Variants in MEGF10 observed in about 807,000 individuals in gnomAD.
MEGF10 encodes multiple EGF like domains 10.
MEGF10 carries 86 observed loss-of-function variants against 147.5 expected under a neutral mutation model. The ratio of observed to expected loss-of-function variants is 0.58; its 90% confidence interval spans 0.49 to 0.70. The LOEUF is 0.70. MEGF10 is among the 30% of genes least tolerant of loss of function. MEGF10 has a pLI of 0.00. For synonymous variants in MEGF10, 478 were observed against 525.5 expected, an observed-to-expected ratio of 0.91 and a Z score of 1.24; for missense variants, 1,329 against 1,487.3, an observed-to-expected ratio of 0.89 and a Z score of 1.75.
At chr5:127,418,688 A>G (rs1032039520) in intron 10 of MEGF10, among the ~76,000 whole-genome samples, 1 of 152,194 alleles carries the variant, frequency 6.6e-6, no homozygotes, top group Non-Finnish European at 1.5e-5. Flanking sequence ...TGCTTTACCT[A>G]CTAAAAATAT....
rs1014836080 is a variant in MEGF10 at position 127,449,165 on chromosome 5, G to A, written c.2923G>A (p.Asp975Asn). 6.2e-7 allele frequency: 1 copy of A among 1,614,072 alleles called. No homozygotes were observed. The highest frequency in any genetic ancestry group is 1.3e-5 in the African/African-American group (1 of 75,034). Residue 975 changes from aspartate to asparagine, a missense_variant, in exon 22 of 25, where the codon GAC (aspartate) becomes AAC (asparagine). Around this residue, in one of 3 missense-constraint regions of MEGF10, gnomAD observed 343 missense variants for 377.9 expected, o/e 0.91. Coordinates refer to ENST00000503335, the MANE Select transcript of MEGF10 (RefSeq NM_001256545.2). ...VNPGKRGPVG[D>N]CTGTLPADWK... The stretch of plus-strand genomic sequence containing the variant: ...CCCTGGGAAGAGAGGCCCTGTGGGG[G>A]ACTGCACTGGGACATTGCCGGCTGA...
intron 8 of MEGF10, among the ~76,000 whole-genome samples, chr5:127,405,959 C>T (rs1245503353): frequency 1.3e-5 from 2 of 152,052 alleles, no homozygotes; most frequent in East Asian, 1.9e-4. Flanking sequence ...TAACTGACAT[C>T]CTGGTTTTAG....
In MEGF10 at chr5:127,459,981, T is replaced by A. The variant is rs568875554; in HGVS notation, c.*2663T>A. 1.3e-5 allele frequency: 2 copies of A among 152,200 alleles called. No homozygotes were observed. The highest frequency in any genetic ancestry group is 2.9e-5 in the Non-Finnish European group (2 of 68,016). 9.4% of individuals were successfully genotyped at this position (152,200 alleles called of 1,614,324 possible). On this transcript the variant is annotated 3_prime_UTR_variant, in exon 25 of 25. Coordinates refer to ENST00000503335, the MANE Select transcript of MEGF10 (RefSeq NM_001256545.2). ...CTTGGCAAAATTTTCCCTCTGAAAT[T>A]ACAAACTTTAGGAACTTTTCCAGAT... is the stretch of plus-strand genomic sequence containing the variant.
chr5:127,280,174 T>G, the MEGF10 span, among the ~76,000 whole-genome samples: 2 of 152,208 alleles, frequency 1.3e-5, no homozygotes, highest in East Asian at 1.9e-4. Flanking sequence ...TAAATCTTCT[T>G]TGTTAAATAT....
rs115373542 is a variant in MEGF10 at position 127,390,010 on chromosome 5, G to T, written c.413-6522G>T. Among the ~76,000 whole-genome samples, 743 of 152,254 alleles carry T rather than the reference G, an allele frequency of 4.9e-3. 9 individuals are homozygous for T. The Middle Eastern group carries it at 0.054, about 11-fold the overall frequency. Reference sequence around the variant, plus strand: ...AACCATTTAAAAAACCTTACTGCTTGATTTTCTTTTACTGCCAAAAGGATA... The same window carrying T: ...AACCATTTAAAAAACCTTACTGCTTTATTTTCTTTTACTGCCAAAAGGATA... On this transcript the variant is annotated intron_variant, in intron 5 of 24. Coordinates refer to ENST00000503335, the MANE Select transcript of MEGF10 (RefSeq NM_001256545.2).
chr5:127,281,152 C>T, the MEGF10 span, among the ~76,000 whole-genome samples: 1 of 152,172 alleles, frequency 6.6e-6, no homozygotes, highest in Admixed American at 6.5e-5. Context: ...ATGATTTTAA[C>T]CCTGGGAGCA....
upstream of MEGF10, among the ~76,000 whole-genome samples, chr5:127,287,973 A>G (rs1274998174): frequency 6.6e-6 from 1 of 152,060 alleles, no homozygotes; most frequent in Non-Finnish European, 1.5e-5. Flanking sequence ...GATTTTCAAT[A>G]AAGGTATCCA....
At chr5:127,292,395 A>G (rs574985263) in intron 1 of MEGF10, among the ~76,000 whole-genome samples, 1 of 152,386 alleles carries the variant, frequency 6.6e-6, no homozygotes, top group East Asian at 1.9e-4. Flanking sequence ...AGCCTGACAC[A>G]TAGTAGGCAC....
chr5:127,399,196 G>A (rs1764036662), intron 7 of MEGF10, among the ~76,000 whole-genome samples: 1 of 152,068 alleles, frequency 6.6e-6, no homozygotes, highest in South Asian at 2.1e-4. Context: ...ATTCTTAACA[G>A]TGCAAGTGTC....
the MEGF10 span, among the ~76,000 whole-genome samples, chr5:127,230,967 TC>T: frequency 3.3e-5 from 5 of 152,180 alleles, no homozygotes; most frequent in Non-Finnish European, 1.5e-5. Flanking sequence ...TGGAATGCTG[TC>T]CTGTGTCAGT....
chr5:127,457,593 C>T lies in MEGF10; in HGVS notation c.*275C>T, dbSNP rs959943141. The T allele has an allele frequency of 6.4e-5, 25 of 388,102 alleles. No homozygotes were observed. The highest frequency in any genetic ancestry group is 3.8e-4 in the Admixed American group (9 of 23,564). 24.0% of individuals were successfully genotyped at this position (388,102 alleles called of 1,614,324 possible). A position where few individuals can be genotyped will look rare whatever the true frequency, so the allele number is the denominator to read the frequency against. ...CTTATTGTAAGATGTTGGCTGAAAG[C>T]ATGAACTTGCAGAACTCCCTCGGAG... On this transcript the variant is annotated 3_prime_UTR_variant, in exon 25 of 25. Coordinates refer to ENST00000503335, the MANE Select transcript of MEGF10 (RefSeq NM_001256545.2).
At chr5:127,286,329 T>C (rs149258856), upstream of MEGF10, among the ~76,000 whole-genome samples, 170 of 152,156 alleles carry the variant, frequency 1.1e-3, no homozygotes, top group African/African-American at 3.7e-3. Flanking sequence ...TCCTAACACA[T>C]AGTAATGATA....
chr5:127,362,102 T>G (rs990110990), intron 4 of MEGF10, among the ~76,000 whole-genome samples: 1 of 152,110 alleles, frequency 6.6e-6, no homozygotes, highest in Non-Finnish European at 1.5e-5. Context: ...TATCAATTAT[T>G]AAGACTAGTT....
intron 2 of MEGF10, among the ~76,000 whole-genome samples, chr5:127,337,736 G>A (rs754346582): frequency 1.1e-4 from 17 of 151,914 alleles, no homozygotes; most frequent in South Asian, 2.1e-4. Flanking sequence ...TAAATAAGAG[G>A]GGATCTTCAA....
chr5:127,455,221 A>G (rs567650741), intron 23 of MEGF10, among the ~76,000 whole-genome samples, 180 bp from the exon 24 acceptor site: 3 of 152,326 alleles, frequency 2.0e-5, no homozygotes, highest in Non-Finnish European at 4.4e-5. Context: ...AGCTAAAACT[A>G]CTTTAGGGAT....
At chr5:127,259,462 A>G in the MEGF10 span, among the ~76,000 whole-genome samples, 5 of 152,164 alleles carry the variant, frequency 3.3e-5, no homozygotes, top group South Asian at 1.0e-3. Context: ...TGGTCTCAGG[A>G]CATCATCTGT....
In MEGF10 at chr5:127,449,209, C is replaced by A. The variant is rs1017291108; in HGVS notation, c.2967C>A (p.Tyr989Ter). Reference protein sequence around the residue: ...TLPADWKHGGYLNELGAFGLD... With the variant: ...TLPADWKHGG Reference sequence around the variant, plus strand: ...CGGCTGACTGGAAACATGGCGGCTACCTCAACGAGCTCGGTGAGTTCTCCC... The same window carrying A: ...CGGCTGACTGGAAACATGGCGGCTAACTCAACGAGCTCGGTGAGTTCTCCC... The change falls in exon 22 of 25, where the codon TAC becomes TAA. Residue 989 changes from tyrosine to a stop codon, truncating the protein, a stop_gained. Coordinates refer to ENST00000503335, the MANE Select transcript of MEGF10 (RefSeq NM_001256545.2). LOFTEE classifies it high-confidence loss of function. 5 of 1,613,124 alleles carry A rather than the reference C, an allele frequency of 3.1e-6. No homozygotes were observed. The highest frequency in any genetic ancestry group is 4.2e-6 in the Non-Finnish European group (5 of 1,179,556).
At chr5:127,310,413 G>A (rs1350154552) in intron 1 of MEGF10, among the ~76,000 whole-genome samples, 1 of 152,004 alleles carries the variant, frequency 6.6e-6, no homozygotes, top group Non-Finnish European at 1.5e-5. Flanking sequence ...TTTAAATTGT[G>A]ATGAAGTTCA....
chr5:127,232,493 T>C, the MEGF10 span, among the ~76,000 whole-genome samples: 1 of 152,188 alleles, frequency 6.6e-6, no homozygotes, highest in Non-Finnish European at 1.5e-5. Context: ...CAGTTTAGTG[T>C]CCTAAGGTCA....
Sources: gnomAD v4.1 joint callset for allele counts (sites outside exome capture counted in the v4.1 genomes callset) on GRCh38, gnomAD v4.1.1 for gene constraint, gnomAD v4.1.1 regional missense constraint, MANE v1.5 for transcripts, NCBI Gene and HGNC (gene_info 2026-07-23, HGNC 2026-07-21) for gene names.